Variants in EFNB1 observed in about 807,000 individuals in gnomAD.
The protein encoded by EFNB1 is ephrin B1, also known as ephrin-B1.
EFNB1 carries 1 observed loss-of-function variant against 18.1 expected under a neutral mutation model. That is an observed-to-expected ratio of 0.06 (90% confidence interval 0.02 to 0.26). The LOEUF (loss-of-function observed/expected upper bound fraction) is 0.26, where lower values mean the gene tolerates loss of function less well. Ranked by LOEUF, EFNB1 falls within the 10% of genes least tolerant of loss-of-function variation. The pLI, the probability that EFNB1 is intolerant of heterozygous loss-of-function variation, is 1.00. For synonymous variants in EFNB1, 131 were observed against 127.5 expected (o/e 1.03, Z -0.19); for missense variants, 221 against 301.8 (o/e 0.73, Z 1.98).
In EFNB1 at chrX:68,829,649, C is replaced by T; in HGVS notation, c.-128C>T. ...CACCGAAGCCGGCGGGAGGGGAGCA[C>T]TTCAAGGCCGGCGGCTGCGGAGGAT... On this transcript the variant is annotated 5_prime_UTR_variant, in exon 1 of 5. Coordinates refer to ENST00000204961, the MANE Select transcript of EFNB1 (RefSeq NM_004429.5). 1 of 1,105,937 alleles carries T rather than the reference C, an allele frequency of 9.0e-7. No individual in the cohort carries two copies. The highest frequency in any genetic ancestry group is 1.2e-6 in the Non-Finnish European group (1 of 829,065). The allele number at this position is 1,105,937 out of a possible 1,213,427, so 91.1% of individuals were successfully genotyped here.
In EFNB1 at chrX:68,829,203, C is replaced by G. The variant is rs2080436973; in HGVS notation, c.-574C>G. 1 of 130,787 alleles carries G rather than the reference C, an allele frequency of 7.6e-6. No homozygotes were observed. The highest frequency in any genetic ancestry group is 1.5e-5 in the Non-Finnish European group (1 of 65,888). The allele number at this position is 130,787 out of a possible 1,213,427, so 10.8% of individuals were successfully genotyped here. A position where few individuals can be genotyped will look rare whatever the true frequency, so the allele number is the denominator to read the frequency against. ...GCATCTCCCCGCTCTTCTAAGTACA[C>G]TGAGCAGGGCCCGCGCTGAAGTAGA... On this transcript the variant is annotated 5_prime_UTR_variant, in exon 1 of 5. Transcript: ENST00000204961.
chrX:68,838,129 GTA>G (rs1167481859), intron 1 of EFNB1, among the ~76,000 whole-genome samples: 267 of 72,274 alleles, frequency 3.7e-3, no homozygotes, highest in African/African-American at 0.011. Flanking sequence ...GTGTGTGTGT[GTA>G]TGTGTGTGTG....
In EFNB1 at chrX:68,840,521, T is replaced by A. The variant is rs2080474915; in HGVS notation, c.908T>A (p.Ile303Asn). ...GCGGGCACCGAGCCCAGCGACATCA[T>A]CATTCCCTTACGGACTACAGAGAAC... is the stretch of plus-strand genomic sequence containing the variant. ...GTAGTEPSDI[I>N]IPLRTTENNY... Residue 303 changes from isoleucine (I) to asparagine (N), a missense_variant, in exon 5 of 5, where the codon ATC becomes AAC. Physicochemically the swap from Ile to Asn is moderately radical, Grantham distance 149. Transcript: ENST00000204961. 8.3e-7 allele frequency: 1 copy of A among 1,211,335 alleles called. No individual in the cohort carries two copies. Among genetic ancestry groups the A allele is most frequent in the Non-Finnish European group, 1.1e-6 (1 of 895,272 alleles).
rs890245445 is a variant in EFNB1 at position 68,839,772 on chromosome X, G to C, written c.499+16G>C. ...GTTGGGCAAGGTGAGTGCCTAGTCT[G>C]AGGGTCCCCTCACCCCACCCTGTTT... On this transcript the variant is annotated intron_variant, in intron 3 of 4. Transcript: ENST00000204961. 8.3e-7 allele frequency: 1 copy of C among 1,201,223 alleles called. No homozygotes were observed. Among genetic ancestry groups the C allele is most frequent in the African/African-American group, 1.7e-5 (1 of 57,232 alleles).
rs1441145346 is a variant in EFNB1 at position 68,829,567 on chromosome X, C to G, written c.-210C>G. ...GCCCTCGGGGGCCGAAGCCCATGCC[C>G]GGGTTGGGGGCGGCTGCCCAGTGAG... is the stretch of plus-strand genomic sequence containing the variant. On this transcript the variant is annotated 5_prime_UTR_variant, in exon 1 of 5. Coordinates refer to ENST00000204961, the MANE Select transcript of EFNB1 (RefSeq NM_004429.5). 1.7e-6 allele frequency: 1 copy of G among 572,303 alleles called. No individual in the cohort carries two copies. Among genetic ancestry groups the G allele is most frequent in the East Asian group, 3.7e-5 (1 of 26,766 alleles). The allele number at this position is 572,303 out of a possible 1,213,427, so 47.2% of individuals were successfully genotyped here.
chrX:68,838,117 C>CTGTG (rs1232247468), intron 1 of EFNB1, among the ~76,000 whole-genome samples: 10 of 80,976 alleles, frequency 1.2e-4, no homozygotes, highest in East Asian at 6.0e-4. Context: ...TGTGGGCTTG[C>CTGTG]TGTGTGTGTG....
At chrX:68,831,491 G>T (rs2080445315) in intron 1 of EFNB1, among the ~76,000 whole-genome samples, 1 of 111,546 alleles carries the variant, frequency 9.0e-6, no homozygotes, top group African/African-American at 3.3e-5. Context: ...GGCTGCTTGA[G>T]CCCAGGGGGG....
chrX:68,830,342 A>G (rs2080441540), intron 1 of EFNB1, among the ~76,000 whole-genome samples: 1 of 112,874 alleles, frequency 8.9e-6, no homozygotes, highest in African/African-American at 3.2e-5. Flanking sequence ...TCGTTTGCGT[A>G]GCTGTGGAGG....
rs774575536 is a variant in EFNB1, at chrX:68,829,563, T to C, written c.-214T>C. 3.6e-6 allele frequency: 2 copies of C among 551,238 alleles called. No individual in the cohort carries two copies. The highest frequency in any genetic ancestry group is 4.6e-5 in the African/African-American group (2 of 43,404). The allele number at this position is 551,238 out of a possible 1,213,427, so 45.4% of individuals were successfully genotyped here. ...ACGAGCCCTCGGGGGCCGAAGCCCA[T>C]GCCCGGGTTGGGGGCGGCTGCCCAG... is the stretch of plus-strand genomic sequence containing the variant. On this transcript the variant is annotated 5_prime_UTR_variant, in exon 1 of 5. It removes an upstream start codon present in the reference 5' UTR. Coordinates refer to ENST00000204961, the MANE Select transcript of EFNB1 (RefSeq NM_004429.5).
At chrX:68,839,887 C>T in intron 3 of EFNB1, 73 bp from the exon 4 acceptor site, 2 of 1,204,029 alleles carry the variant, frequency 1.7e-6, no homozygotes, top group Non-Finnish European at 2.2e-6. Flanking sequence ...CCATTCTTGG[C>T]CCACCCTTGA....
At chrX:68,835,193 G>T (rs1183189885) in intron 1 of EFNB1, among the ~76,000 whole-genome samples, 1 of 111,053 alleles carries the variant, frequency 9.0e-6, no homozygotes, top group Non-Finnish European at 1.9e-5. Context: ...CTGGGGTGGC[G>T]CCCTGGGGTC....
At position 68,829,641 on chromosome X, in the gene EFNB1, G is replaced by T; in HGVS notation, c.-136G>T. 9.6e-7 allele frequency: 1 copy of T among 1,044,203 alleles called. No homozygotes were observed. The highest frequency in any genetic ancestry group is 1.3e-6 in the Non-Finnish European group (1 of 773,918). 86.1% of individuals were successfully genotyped at this position (1,044,203 alleles called of 1,213,427 possible). On this transcript the variant is annotated 5_prime_UTR_variant, in exon 1 of 5. In the 5' UTR this introduces an upstream ATG that the reference lacks. Coordinates refer to ENST00000204961, the MANE Select transcript of EFNB1 (RefSeq NM_004429.5). ...AAGAGCGACACCGAAGCCGGCGGGAGGGGAGCACTTCAAGGCCGGCGGCTG... is the reference window on the plus strand; with the variant it reads ...AAGAGCGACACCGAAGCCGGCGGGATGGGAGCACTTCAAGGCCGGCGGCTG...
intron 1 of EFNB1, among the ~76,000 whole-genome samples, chrX:68,835,660 C>T (rs755095051): frequency 5.4e-5 from 6 of 111,453 alleles, no homozygotes; most frequent in East Asian, 2.8e-4. Context: ...CATCAGGCTC[C>T]GCTCCCTTCT....
rs376262683 is a variant in EFNB1 at position 68,840,604 on chromosome X, G to T, written c.991G>T (p.Val331Phe). The T allele has an allele frequency of 2.3e-5, 28 of 1,209,302 alleles. No individual in the cohort carries two copies. Among genetic ancestry groups the T allele is most frequent in the Non-Finnish European group, 3.1e-5 (28 of 894,835 alleles). Residue 331 changes from valine to phenylalanine, a missense_variant, in exon 5 of 5, where the codon GTC becomes TTC. Physicochemically the swap from Val to Phe is conservative, Grantham distance 50. Coordinates refer to ENST00000204961, the MANE Select transcript of EFNB1 (RefSeq NM_004429.5). ...SGDYGHPVYIVQEMPPQSPAN... is the reference protein window; with the variant it reads ...SGDYGHPVYIFQEMPPQSPAN... ...GGACTACGGGCACCCTGTCTACATC[G>T]TCCAAGAGATGCCGCCCCAGAGCCC...
intron 1 of EFNB1, among the ~76,000 whole-genome samples, chrX:68,835,179 C>T (rs1430312382): frequency 9.0e-6 from 1 of 111,371 alleles, no homozygotes; most frequent in African/African-American, 3.3e-5. Flanking sequence ...AGTCCTTTTA[C>T]TCCCTGGGGT....
intron 1 of EFNB1, among the ~76,000 whole-genome samples, chrX:68,837,927 G>C (rs1215027476): frequency 8.9e-6 from 1 of 112,306 alleles, no homozygotes; most frequent in Non-Finnish European, 1.9e-5. Context: ...CAGTGGGAGT[G>C]AGCAGAGCTG....
Position 68,840,330 on chromosome X carries a change from A to G in EFNB1, c.717A>G (p.Ala239=). ...ATGGCTTCTTCAACTCCAAGGTGGC[A>G]TTGTTCGCGGCTGTCGGTGCCGGTT... The part of the protein sequence containing the change: ...DPDGFFNSKV[A]LFAAVGAGCV... Residue 239 remains alanine, a synonymous_variant, in exon 5 of 5, where the codon GCA becomes GCG. Coordinates refer to ENST00000204961, the MANE Select transcript of EFNB1 (RefSeq NM_004429.5). 8.3e-7 allele frequency: 1 copy of G among 1,211,721 alleles called. No individual in the cohort carries two copies. The highest frequency in any genetic ancestry group is 1.1e-6 in the Non-Finnish European group (1 of 895,515).
chrX:68,833,424 A>T (rs971584558), intron 1 of EFNB1, among the ~76,000 whole-genome samples: 11 of 112,336 alleles, frequency 9.8e-5, no homozygotes, highest in African/African-American at 3.6e-4. Flanking sequence ...TGGGGACTGA[A>T]TCAAGGGTTC....
At chrX:68,838,180 C>T (rs1460583999) in intron 1 of EFNB1, among the ~76,000 whole-genome samples, 35 of 84,408 alleles carry the variant, frequency 4.1e-4, no homozygotes, top group Non-Finnish European at 6.5e-4. Context: ...TGTGCGCGCG[C>T]GCGCGCGCAC....
Sources: allele counts gnomAD v4.1 joint callset (sites outside exome capture counted in the v4.1 genomes callset), GRCh38; gene constraint gnomAD v4.1.1; transcripts MANE v1.5; gene names NCBI Gene and HGNC (gene_info 2026-07-23, HGNC 2026-07-21).